The following LZTS1 variants were observed in gnomAD, a reference collection of about 807,000 sequenced individuals.
The protein encoded by LZTS1 is leucine zipper tumor suppressor 1.
In LZTS1, 31 loss-of-function variants were observed where a neutral mutation model predicts 45.8. The observed-to-expected ratio is 0.68, with a 90% CI of 0.51 to 0.91. The LOEUF is 0.91. Ranked by LOEUF, LZTS1 falls within the 40% of genes least tolerant of loss-of-function variation. LZTS1 has a pLI of 0.00. For synonymous variants in LZTS1, 359 were observed against 357.3 expected (o/e 1.00, Z -0.05); for missense variants, 821 against 788.9 (o/e 1.04, Z -0.49).
At chr8:20,272,868 G>T (rs4922145) in intron 1 of LZTS1, among the ~76,000 whole-genome samples, 9,534 of 152,194 alleles carry the variant, frequency 0.063, 377 homozygotes, top group African/African-American at 0.1. Flanking sequence ...TCTCTCCCAT[G>T]AGCATTTAAA....
rs749570025 is a variant in LZTS1 at position 20,250,346 on chromosome 8, G to T, written c.1167C>A (p.Gly389=). 17 of 1,603,320 alleles carry T rather than the reference G, an allele frequency of 1.1e-5. No individual in the cohort carries two copies. The African/African-American group carries it at 1.9e-4, about 18-fold the overall frequency. Residue 389 remains glycine (G), a synonymous_variant, in exon 4 of 4, where the codon GGC becomes GGA. Transcript: ENST00000381569. ...ETQWEVCQKS[G]EISLLKQQLK... The stretch of plus-strand genomic sequence containing the variant: ...GCTGCTGCTTCAGGAGGGAGATCTC[G>T]CCTGACTTCTGGCACACCTGCCGAG...
intron 1 of LZTS1, among the ~76,000 whole-genome samples, chr8:20,266,517 G>A (rs1800358732): frequency 1.3e-5 from 2 of 151,910 alleles, no homozygotes; most frequent in Admixed American, 1.3e-4. Flanking sequence ...TCATCATGTA[G>A]ACTTTGAGAC....
chr8:20,297,695 C>T (rs2128899811), intron 1 of LZTS1, among the ~76,000 whole-genome samples: 1 of 152,272 alleles, frequency 6.6e-6, no homozygotes, highest in Admixed American at 6.5e-5. Context: ...GGATTACAGG[C>T]ATGAGCCATC....
Position 20,249,854 on chromosome 8 carries a change from C to T in LZTS1, c.1659G>A (p.Met553Ile), listed in dbSNP as rs756855103. 1 of 1,614,208 alleles carries T rather than the reference C, an allele frequency of 6.2e-7. No homozygotes were observed. Among genetic ancestry groups the T allele is most frequent in the South Asian group, 1.1e-5 (1 of 91,084 alleles). ...TCTCCAGGCGCTGGTTCCGCTGGTACATGGCCACGTAGCTCTGCTGCAGCT... is the reference window on the plus strand; with the variant it reads ...TCTCCAGGCGCTGGTTCCGCTGGTATATGGCCACGTAGCTCTGCTGCAGCT... ...QKQLQQSYVAMYQRNQRLEKA... is the reference protein window; with the variant it reads ...QKQLQQSYVAIYQRNQRLEKA... The change falls in exon 4 of 4, where the codon ATG becomes ATA. Residue 553 changes from methionine (M) to isoleucine (I), a missense_variant. Coordinates refer to ENST00000381569, the MANE Select transcript of LZTS1 (RefSeq NM_021020.5).
chr8:20,270,524 A>AGGTGGC, intron 1 of LZTS1, among the ~76,000 whole-genome samples: 1 of 152,184 alleles, frequency 6.6e-6, no homozygotes, highest in Admixed American at 6.5e-5. Context: ...GAGTATGGCG[A>AGGTGGC]AGGACAGAGG....
chr8:20,293,353 G>T (rs1332323804), intron 1 of LZTS1, among the ~76,000 whole-genome samples: 1 of 152,158 alleles, frequency 6.6e-6, no homozygotes, highest in Non-Finnish European at 1.5e-5. Context: ...TTCTAGAAAG[G>T]TTTCTTTCCC....
At position 20,271,984 on chromosome 8, in the gene LZTS1, G is replaced by A. The variant is rs193257584; in HGVS notation, c.-134-16669C>T. Among the ~76,000 whole-genome samples, 9 of 152,324 alleles carry A rather than the reference G, an allele frequency of 5.9e-5. No individual in the cohort carries two copies. In the East Asian group the frequency reaches 1.4e-3, roughly 23 times the overall value. On this transcript the variant is annotated intron_variant, in intron 1 of 3. Transcript: ENST00000381569. ...TGACAGGTAGAAAGAACAGCCACTG[G>A]AGGGGTGAGCTGCTGGGAGCACCTG...
intron 1 of LZTS1, among the ~76,000 whole-genome samples, chr8:20,270,156 G>A (rs7834224): frequency 0.024 from 3,694 of 152,368 alleles, 152 homozygotes; most frequent in African/African-American, 0.083. Context: ...TCAGTGCGCC[G>A]CGAGGCCCAC....
At chr8:20,294,384 A>G (rs1050463113) in intron 1 of LZTS1, among the ~76,000 whole-genome samples, 1 of 152,236 alleles carries the variant, frequency 6.6e-6, no homozygotes, top group Non-Finnish European at 1.5e-5. Context: ...CCGGCTGCAC[A>G]GCCTTTGAGC....
In LZTS1 at chr8:20,292,462, C is replaced by T. The variant is rs140053574; in HGVS notation, c.-135+11278G>A. 3.9e-3 allele frequency among the ~76,000 whole-genome samples: 588 copies of T among 152,248 alleles called. 5 individuals are homozygous for T. The highest frequency in any genetic ancestry group is 6.6e-3 in the Non-Finnish European group (451 of 68,016). On this transcript the variant is annotated intron_variant, in intron 1 of 3. Transcript: ENST00000381569. ...ACTTGCTTTTCAGTTTTGAAAGTAC[C>T]GACTGTTAGCAACTGCGACCAGCAC...
chr8:20,255,647 C>T (rs1433647705), intron 1 of LZTS1, among the ~76,000 whole-genome samples: 4 of 150,270 alleles, frequency 2.7e-5, no homozygotes, highest in Admixed American at 6.6e-5. Flanking sequence ...ACCAGTGCTG[C>T]GGGTACCAGT....
chr8:20,250,144 T>C lies in LZTS1; in HGVS notation c.1369A>G (p.Lys457Glu), dbSNP rs1211176309. The change falls in exon 4 of 4, where the codon AAG (lysine) becomes GAG (glutamate). Residue 457 changes from lysine to glutamate, a missense_variant. Physicochemically the swap from Lys to Glu is moderately conservative, Grantham distance 56. Coordinates refer to ENST00000381569, the MANE Select transcript of LZTS1 (RefSeq NM_021020.5). ...LEVCENELQR[K>E]KNEAELLREK... ...CGCAGCAGCTCCGCCTCGTTCTTCT[T>C]GCGCTGCAGCTCATTCTCACAGACC... is the stretch of plus-strand genomic sequence containing the variant. 3.7e-6 allele frequency: 6 copies of C among 1,608,650 alleles called. No homozygotes were observed. The highest frequency in any genetic ancestry group is 5.1e-6 in the Non-Finnish European group (6 of 1,179,214).
rs558000638 is a variant in LZTS1, at chr8:20,255,853, T to C, written c.-134-538A>G. On this transcript the variant is annotated intron_variant, in intron 1 of 3. Coordinates refer to ENST00000381569, the MANE Select transcript of LZTS1 (RefSeq NM_021020.5). ...ACTCTGGGAGGCTGAGGTGGGCAGA[T>C]TGCTTGAGTCCAGGAGTTCGAGACC... Among the ~76,000 whole-genome samples the C allele has an allele frequency of 9.9e-5, 15 of 151,966 alleles. No individual in the cohort carries two copies. In the South Asian group the frequency reaches 2.9e-3, roughly 30 times the overall value.
At chr8:20,267,133 A>T (rs1265195192) in intron 1 of LZTS1, among the ~76,000 whole-genome samples, 1 of 151,650 alleles carries the variant, frequency 6.6e-6, no homozygotes, top group African/African-American at 2.4e-5. Flanking sequence ...GAAAAGAAAA[A>T]AAAAGAAAAC....
chr8:20,250,261 G>T lies in LZTS1; in HGVS notation c.1252C>A (p.Gln418Lys). The change falls in exon 4 of 4, where the codon CAG (glutamine) becomes AAG (lysine). Residue 418 changes from glutamine to lysine, a missense_variant. Gln to Lys is a moderately conservative substitution (Grantham distance 53). Transcript: ENST00000381569. ...KASEILGLKA[Q>K]LKDTRGKLEG... The stretch of plus-strand genomic sequence containing the variant: ...AGCTTGCCCCGCGTGTCCTTCAGCT[G>T]TGCCTTGAGACCCAGGATCTCGCTA... 2 of 1,613,812 alleles carry T rather than the reference G, an allele frequency of 1.2e-6. No individual in the cohort carries two copies. Among genetic ancestry groups the T allele is most frequent in the Non-Finnish European group, 1.7e-6 (2 of 1,180,028 alleles).
In LZTS1 at chr8:20,254,908, C is replaced by T. The variant is rs1429965686; in HGVS notation, c.274G>A (p.Gly92Ser). 4.3e-6 allele frequency: 7 copies of T among 1,614,066 alleles called. No individual in the cohort carries two copies. Among genetic ancestry groups the T allele is most frequent in the South Asian group, 1.1e-5 (1 of 91,086 alleles). Residue 92 changes from glycine (G) to serine (S), a missense_variant, in exon 2 of 4, where the codon GGC (glycine) becomes AGC (serine). Coordinates refer to ENST00000381569, the MANE Select transcript of LZTS1 (RefSeq NM_021020.5). Reference protein sequence around the residue: ...YTALSSGDLGGQAGVDFDPST... With the variant: ...YTALSSGDLGSQAGVDFDPST... ...GGGTCAAAGTCCACCCCAGCCTGGC[C>T]CCCTAAATCCCCGCTGGACAGTGCC...
intron 1 of LZTS1, among the ~76,000 whole-genome samples, chr8:20,276,548 C>T (rs1800587092): frequency 6.6e-6 from 1 of 152,182 alleles, no homozygotes; most frequent in Non-Finnish European, 1.5e-5. Flanking sequence ...ACCTCTTCTC[C>T]CCTGCCTTTC....
intron 1 of LZTS1, chr8:20,289,059 ACT>A (rs1251702901): frequency 7.0e-6 from 1 of 142,318 alleles, no homozygotes; most frequent in Non-Finnish European, 1.5e-5. Context: ...TTGGCCTCAA[ACT>A]CTTTTTACAT....
At chr8:20,259,081 G>T (rs1327301411) in intron 1 of LZTS1, among the ~76,000 whole-genome samples, 2 of 152,060 alleles carry the variant, frequency 1.3e-5, no homozygotes, top group African/African-American at 4.8e-5. Context: ...CGTGCTCTGC[G>T]CAATATGCTC....
Sources: gnomAD v4.1 joint callset for allele counts (sites outside exome capture counted in the v4.1 genomes callset) on GRCh38, gnomAD v4.1.1 for gene constraint, MANE v1.5 for transcripts, NCBI Gene and HGNC (gene_info 2026-07-23, HGNC 2026-07-21) for gene names.